Variants in ZNF738 observed in about 807,000 individuals in gnomAD.
ZNF738 encodes zinc finger protein 738, also known as protein ZNF738.
Under a neutral mutation model 9.2 loss-of-function variants are expected in ZNF738, and 10 were observed. The ratio of observed to expected loss-of-function variants is 1.09; its 90% CI spans 0.67 to 1.85. ZNF738 has a LOEUF of 1.85. ZNF738 is among the 40% of genes most tolerant of loss of function. The pLI is 0.00. For missense variants in ZNF738, 346 were observed against 283.6 expected, an observed-to-expected ratio of 1.22 and a Z score of -1.58; for synonymous variants, 113 against 94.5, an observed-to-expected ratio of 1.20 and a Z score of -1.14.
At chr19:21,378,543 C>A (rs954182675) in intron 4 of ZNF738, 34 of 277,298 alleles carry the variant, frequency 1.2e-4, no homozygotes, top group African/African-American at 7.9e-4. Flanking sequence ...TTCTTCTGTC[C>A]TGAAAAATTT....
At chr19:21,376,176 TA>T in intron 4 of ZNF738, 1 of 370,990 alleles carries the variant, frequency 2.7e-6, no homozygotes. Context: ...TTAAATTCTC[TA>T]AGGATTCTAC....
chr19:21,388,548 T>C lies in ZNF738; in HGVS notation c.*4874T>C, dbSNP rs1974094511. 6.6e-6 allele frequency among the ~76,000 whole-genome samples: 1 copy of C among 152,154 alleles called. No individual in the cohort carries two copies. Among genetic ancestry groups the C allele is most frequent in the South Asian group, 2.1e-4 (1 of 4,828 alleles). On this transcript the variant is annotated 3_prime_UTR_variant, in exon 5 of 5. Coordinates refer to ENST00000683779, the MANE Select transcript of ZNF738 (RefSeq NM_001355237.2). ...TATATTATTGTACTAATTGTACTTT[T>C]ATATAATAAAATGCAGCACATTTTT...
intron 2 of ZNF738, among the ~76,000 whole-genome samples, chr19:21,367,823 C>A (rs901903122): frequency 6.6e-6 from 1 of 152,226 alleles, no homozygotes; most frequent in African/African-American, 2.4e-5. Flanking sequence ...GGACTAGGCA[C>A]CACCATCAGG....
rs774723847 is a variant in ZNF738 at position 21,375,240 on chromosome 19, G to C, written c.99G>C (p.Gly33=). The C allele has an allele frequency of 4.5e-6, 5 of 1,117,504 alleles. No homozygotes were observed. In the African/African-American group the frequency reaches 4.6e-5, roughly 10 times the overall value. The allele number at this position is 1,117,504 out of a possible 1,614,324, so 69.2% of individuals were successfully genotyped here. ...GTGTGTGTGTGTGTGTTTTTCAGGG[G>C]CCGTTGACATTTAGGGATGTGGTCA... ...NLLEYSYFEK[G]PLTFRDVVIE... is the part of the protein sequence containing the mutation. The change falls in exon 3 of 5, where the codon GGG becomes GGC. Residue 33 remains glycine (G), a splice_region_variant and synonymous_variant. Transcript: ENST00000683779.
At position 21,375,876 on chromosome 19, in the gene ZNF738, T is replaced by C; in HGVS notation, c.231T>C (p.Asp77=). The change falls in exon 4 of 5, where the codon GAT becomes GAC. Residue 77 remains aspartate, a synonymous_variant. Coordinates refer to ENST00000683779, the MANE Select transcript of ZNF738 (RefSeq NM_001355237.2). ...NFRNLVFLGI[D]VSKPDLITCL... ...TTATTTTTAATAAATCAGGTATTGA[T>C]GTCTCTAAGCCAGATCTGATCACCT... 1 of 788,844 alleles carries C rather than the reference T, an allele frequency of 1.3e-6. No individual in the cohort carries two copies. The highest frequency in any genetic ancestry group is 2.3e-6 in the Non-Finnish European group (1 of 429,642). 48.9% of individuals were successfully genotyped at this position (788,844 alleles called of 1,614,324 possible). A position where few individuals can be genotyped will look rare whatever the true frequency, so the allele number is the denominator to read the frequency against.
intron 4 of ZNF738, chr19:21,381,459 C>A: frequency 7.7e-7 from 1 of 1,295,848 alleles, no homozygotes; most frequent in Non-Finnish European, 1.1e-6. Context: ...GTTTGGACAC[C>A]AACTTTTACA....
At chr19:21,359,866 G>C (rs1029166280) in intron 1 of ZNF738, among the ~76,000 whole-genome samples, 1 of 152,082 alleles carries the variant, frequency 6.6e-6, no homozygotes, top group African/African-American at 2.4e-5. Flanking sequence ...GACAGAGCGA[G>C]ACTCTTGTCT....
intron 2 of ZNF738, among the ~76,000 whole-genome samples, chr19:21,363,627 G>A (rs1973730685): frequency 6.6e-6 from 1 of 152,166 alleles, no homozygotes; most frequent in African/African-American, 2.4e-5. Context: ...GGTGGTTCAT[G>A]CCTGTAATCC....
In ZNF738 at chr19:21,384,908, A is replaced by G. The variant is rs1974049670; in HGVS notation, c.*1234A>G. On this transcript the variant is annotated 3_prime_UTR_variant, in exon 5 of 5. Coordinates refer to ENST00000683779, the MANE Select transcript of ZNF738 (RefSeq NM_001355237.2). ...CTATACATAAGATAATTCATATTGGAGAATAACACTACAAATGTAAAAAAT... is the reference window on the plus strand; with the variant it reads ...CTATACATAAGATAATTCATATTGGGGAATAACACTACAAATGTAAAAAAT... 6.6e-6 allele frequency among the ~76,000 whole-genome samples: 1 copy of G among 152,254 alleles called. No individual in the cohort carries two copies. The highest frequency in any genetic ancestry group is 1.5e-5 in the Non-Finnish European group (1 of 68,050).
chr19:21,363,748 G>A (rs921622004), intron 2 of ZNF738, among the ~76,000 whole-genome samples: 2 of 151,184 alleles, frequency 1.3e-5, no homozygotes, highest in Non-Finnish European at 2.9e-5. Flanking sequence ...AATTAACTGG[G>A]CGTGGTGATG....
At chr19:21,368,697 C>A (rs1973818992) in intron 2 of ZNF738, among the ~76,000 whole-genome samples, 1 of 151,952 alleles carries the variant, frequency 6.6e-6, no homozygotes, top group African/African-American at 2.4e-5. Flanking sequence ...ACCTTGTGAT[C>A]TGCCCACATC....
In ZNF738 at chr19:21,383,717, A is replaced by G; in HGVS notation, c.*43A>G. ...TGTATTCGCAACCCTTACTAGACAT[A>G]AGATAATTCATACTGAAGAGAAACC... is the stretch of plus-strand genomic sequence containing the variant. On this transcript the variant is annotated 3_prime_UTR_variant, in exon 5 of 5. Transcript: ENST00000683779. 9.6e-7 allele frequency: 1 copy of G among 1,043,422 alleles called. No individual in the cohort carries two copies. The highest frequency in any genetic ancestry group is 1.3e-5 in the South Asian group (1 of 79,756). 64.6% of individuals were successfully genotyped at this position (1,043,422 alleles called of 1,614,324 possible).
At chr19:21,370,090 G>A (rs542953397) in intron 2 of ZNF738, among the ~76,000 whole-genome samples, 5 of 152,320 alleles carry the variant, frequency 3.3e-5, no homozygotes, top group African/African-American at 1.2e-4. Flanking sequence ...GGGATTACAG[G>A]TGTGAGCCAC....
intron 4 of ZNF738, chr19:21,377,598 G>A (rs1973947604): frequency 4.2e-6 from 2 of 472,932 alleles, no homozygotes; most frequent in South Asian, 7.9e-5. Flanking sequence ...TTGTCTCTTT[G>A]CAGTTTTGAC....
At chr19:21,367,249 T>G (rs1973795686) in intron 2 of ZNF738, among the ~76,000 whole-genome samples, 1 of 152,206 alleles carries the variant, frequency 6.6e-6, no homozygotes, top group African/African-American at 2.4e-5. Flanking sequence ...TTGACTTTCC[T>G]CAGTTGTATA....
intron 1 of ZNF738, among the ~76,000 whole-genome samples, chr19:21,361,298 G>A (rs925541379): frequency 1.3e-5 from 2 of 151,232 alleles, no homozygotes; most frequent in Non-Finnish European, 2.9e-5. Context: ...CAGCCACCAC[G>A]CCCGGCTAAT....
In ZNF738 at chr19:21,383,148, A is replaced by G. The variant is rs537376325; in HGVS notation, c.602A>G (p.Lys201Arg). 6.9e-5 allele frequency: 111 copies of G among 1,597,304 alleles called. No homozygotes were observed. The African/African-American group carries it at 1.3e-3, about 19-fold the overall frequency. The change falls in exon 5 of 5, where the codon AAG becomes AGG. Residue 201 changes from lysine to arginine, a missense_variant. Transcript: ENST00000683779. Reference protein sequence around the residue: ...SNTHKTRHTGKKPFKCKKCGK... With the variant: ...SNTHKTRHTGRKPFKCKKCGK... ...ACACATAAGACAAGACATACTGGAA[A>G]GAAACCTTTCAAATGTAAAAAATGT...
At chr19:21,374,440 G>A (rs537856358) in intron 2 of ZNF738, among the ~76,000 whole-genome samples, 166 of 152,240 alleles carry the variant, frequency 1.1e-3, no homozygotes, top group African/African-American at 3.7e-3. Context: ...TGTGTTCTTC[G>A]GTGTGCGTCA....
intron 1 of ZNF738, among the ~76,000 whole-genome samples, chr19:21,360,867 T>C (rs944701562): frequency 3.3e-5 from 5 of 150,418 alleles, no homozygotes; most frequent in Admixed American, 2.6e-4. Context: ...TTCACTCTTG[T>C]TGCAAAGGCA....
Sources: allele counts gnomAD v4.1 joint callset (sites outside exome capture counted in the v4.1 genomes callset), GRCh38; gene constraint gnomAD v4.1.1; transcripts MANE v1.5; gene names NCBI Gene and HGNC (gene_info 2026-07-23, HGNC 2026-07-21).